The following PGA3 variants were observed in gnomAD, a reference collection of about 807,000 sequenced individuals.
The protein encoded by PGA3 is pepsin A-3.
In PGA3, 1 loss-of-function variant was observed where a neutral mutation model predicts 15.6. The observed-to-expected ratio is 0.06, with a 90% confidence interval of 0.02 to 0.30. The LOEUF (loss-of-function observed/expected upper bound fraction) is 0.30, where lower values mean the gene tolerates loss of function less well. Ranked by LOEUF, PGA3 falls within the 10% of genes least tolerant of loss-of-function variation. The pLI is 1.00. For missense variants in PGA3, 29 were observed against 183.7 expected (o/e 0.16, Z 4.87); for synonymous variants, 14 against 79.5 (o/e 0.18, Z 4.38).
At chr11:61,211,831 G>A (rs1197755534) in intron 8 of PGA3, among the ~76,000 whole-genome samples, 2 of 151,236 alleles carry the variant, frequency 1.3e-5, no homozygotes, top group Non-Finnish European at 3.0e-5. Context: ...AACCAAGTGA[G>A]ACTGATCACA....
chr11:61,205,205 A>AATT (rs1367524495), intron 2 of PGA3, among the ~76,000 whole-genome samples: 1 of 151,936 alleles, frequency 6.6e-6, no homozygotes, highest in East Asian at 1.9e-4. Context: ...TGTTGCCAGG[A>AATT]ATTAACACGA....
chr11:61,211,035 T>C, intron 6 of PGA3, 55 bp from the exon 7 acceptor site: 1 of 250,088 alleles, frequency 4.0e-6, no homozygotes, highest in Non-Finnish European at 7.5e-6. Flanking sequence ...TAGTTCCTCC[T>C]TGGAGAGAAG....
Position 61,212,538 on chromosome 11 carries a change from TCTC to T in PGA3, c.1018-12_1018-10del. The T allele has an allele frequency of 8.0e-6, 1 of 125,266 alleles. No homozygotes were observed. Among genetic ancestry groups the T allele is most frequent in the Non-Finnish European group, 1.5e-5 (1 of 66,540 alleles). The allele number at this position is 125,266 out of a possible 1,614,324, so 7.8% of individuals were successfully genotyped here. A position where few individuals can be genotyped will look rare whatever the true frequency, so the allele number is the denominator to read the frequency against. On this transcript the variant is annotated splice_polypyrimidine_tract_variant and intron_variant, in intron 8 of 8. Transcript: ENST00000325558. ...ATCGGTGTCCCAGCTCCACTTTTAT[TCTC>T]CTTTTCTCCAGAGCGAGGGGAGCTG...
At chr11:61,203,785 T>TA in intron 1 of PGA3, 165 bp downstream of exon 1, 1 of 1,171,348 alleles carries the variant, frequency 8.5e-7, no homozygotes, top group East Asian at 2.4e-5. Context: ...CAGACATGGT[T>TA]AAAACTCGGG....
At chr11:61,205,176 A>G (rs1270203263) in intron 2 of PGA3, among the ~76,000 whole-genome samples, 1 of 151,874 alleles carries the variant, frequency 6.6e-6, no homozygotes, top group African/African-American at 2.4e-5. Flanking sequence ...CAGAACCACT[A>G]ATATCTACCG....
chr11:61,205,215 A>G (rs1309590007), intron 2 of PGA3, among the ~76,000 whole-genome samples: 1 of 151,860 alleles, frequency 6.6e-6, no homozygotes, highest in Non-Finnish European at 1.5e-5. Flanking sequence ...AATTAACACG[A>G]TCATGTTTTC....
chr11:61,205,338 AT>A (rs1853912641), intron 2 of PGA3, among the ~76,000 whole-genome samples: 1 of 152,064 alleles, frequency 6.6e-6, no homozygotes, highest in South Asian at 2.1e-4. Context: ...GCCAGAGGCT[AT>A]GCAAGTTGCC....
At chr11:61,204,817 G>A in intron 2 of PGA3, 1 of 168,810 alleles carries the variant, frequency 5.9e-6, no homozygotes, top group Non-Finnish European at 1.3e-5. Flanking sequence ...GAAGGGTGCT[G>A]CAGACTGCGG....
intron 4 of PGA3, 129 bp downstream of exon 4, chr11:61,207,744 AG>A: frequency 2.6e-6 from 1 of 386,370 alleles, no homozygotes; most frequent in Non-Finnish European, 4.9e-6. Flanking sequence ...GAGAAGCAGC[AG>A]AGATGTCACA....
chr11:61,204,599 A>G, intron 2 of PGA3: 1 of 585,176 alleles, frequency 1.7e-6, no homozygotes, highest in Non-Finnish European at 3.0e-6. Flanking sequence ...CAAAGCAATG[A>G]AAGGAACAGG....
intron 2 of PGA3, among the ~76,000 whole-genome samples, chr11:61,205,494 G>A (rs1364211939): frequency 2.0e-5 from 3 of 152,028 alleles, no homozygotes; most frequent in African/African-American, 7.3e-5. Context: ...AGATTGAGAG[G>A]GGGCAAATTT....
intron 1 of PGA3, 96 bp downstream of exon 1, chr11:61,203,716 T>G: frequency 6.3e-7 from 1 of 1,599,030 alleles, no homozygotes; most frequent in Non-Finnish European, 8.5e-7. Flanking sequence ...CCCTCTCTAT[T>G]CAGCTGTCTC....
chr11:61,203,582 G>A lies in PGA3; in HGVS notation c.18G>A (p.Leu6=). The change falls in exon 1 of 9, where the codon CTG becomes CTA. Residue 6 remains leucine, a synonymous_variant. Transcript: ENST00000325558. MKWLL[L]LGLVALSECI... ...GAAGAACCATGAAGTGGCTGCTGCTGCTGGGTCTGGTGGCACTCTCTGAGT... is the reference window on the plus strand; with the variant it reads ...GAAGAACCATGAAGTGGCTGCTGCTACTGGGTCTGGTGGCACTCTCTGAGT... The A allele has an allele frequency of 1.9e-6, 3 of 1,611,286 alleles. No individual in the cohort carries two copies. The highest frequency in any genetic ancestry group is 2.5e-6 in the Non-Finnish European group (3 of 1,179,488).
rs1853900910 is a variant in PGA3, at chr11:61,204,524, C to T, written c.219+255C>T. The T allele has an allele frequency of 5.9e-6, 3 of 508,828 alleles. No individual in the cohort carries two copies. The Admixed American group carries it at 9.9e-5, about 17-fold the overall frequency. The allele number at this position is 508,828 out of a possible 1,614,324, so 31.5% of individuals were successfully genotyped here. A position where few individuals can be genotyped will look rare whatever the true frequency, so the allele number is the denominator to read the frequency against. On this transcript the variant is annotated intron_variant, in intron 2 of 8. Coordinates refer to ENST00000325558, the MANE Select transcript of PGA3 (RefSeq NM_001079807.4). Reference sequence around the variant, plus strand: ...TCTATTTCAGGGCCTGTGCTGGGCTCAGGGGGAGACAGCAGTGAGCAAACT... The same window carrying T: ...TCTATTTCAGGGCCTGTGCTGGGCTTAGGGGGAGACAGCAGTGAGCAAACT...
Position 61,207,541 on chromosome 11 carries a change from T to TCCACCAGC in PGA3, c.383_390dup (p.Glu131ProfsTer15). ...CCCTGAGGATTCTTCCACCTACCAGTCCACCAGCGAGACAGTCTCCATCAC... is the reference window on the plus strand; with the variant it reads ...CCCTGAGGATTCTTCCACCTACCAGTCCACCAGCCCACCAGCGAGACAGTCTCCATCAC... On this transcript the variant is annotated frameshift_variant, in exon 4 of 9. Coordinates refer to ENST00000325558, the MANE Select transcript of PGA3 (RefSeq NM_001079807.4). LOFTEE classifies it high-confidence loss of function. 1.1e-6 allele frequency: 1 copy of TCCACCAGC among 946,118 alleles called. No individual in the cohort carries two copies. Among genetic ancestry groups the TCCACCAGC allele is most frequent in the Non-Finnish European group, 1.7e-6 (1 of 596,472 alleles). The allele number at this position is 946,118 out of a possible 1,614,324, so 58.6% of individuals were successfully genotyped here. A position where few individuals can be genotyped will look rare whatever the true frequency, so the allele number is the denominator to read the frequency against.
chr11:61,206,622 C>G lies in PGA3; in HGVS notation c.332C>G (p.Ala111Gly). The G allele has an allele frequency of 2.0e-5, 1 of 49,388 alleles. No homozygotes were observed. The highest frequency in any genetic ancestry group is 4.1e-5 in the Non-Finnish European group (1 of 24,592). The allele number at this position is 49,388 out of a possible 1,614,324, so 3.1% of individuals were successfully genotyped here. ...WVPSVYCSSL[A>G]CTNHNRFNPE... ...CCCTCAGTCTACTGCTCCAGTCTTGCCTGCAGTAAGTGCCCAGACCGCCCT... is the reference window on the plus strand; with the variant it reads ...CCCTCAGTCTACTGCTCCAGTCTTGGCTGCAGTAAGTGCCCAGACCGCCCT... The change falls in exon 3 of 9, where the codon GCC (alanine) becomes GGC (glycine). Residue 111 changes from alanine (A) to glycine (G), a missense_variant. Physicochemically the swap from Ala to Gly is moderately conservative, Grantham distance 60 (BLOSUM62 0). Coordinates refer to ENST00000325558, the MANE Select transcript of PGA3 (RefSeq NM_001079807.4).
In PGA3 at chr11:61,203,778, A is replaced by G. The variant is rs560025632; in HGVS notation, c.56+158A>G. The G allele has an allele frequency of 4.0e-6, 5 of 1,238,682 alleles. No individual in the cohort carries two copies. In the African/African-American group the frequency reaches 7.6e-5, roughly 19 times the overall value. 76.7% of individuals were successfully genotyped at this position (1,238,682 alleles called of 1,614,324 possible). A position where few individuals can be genotyped will look rare whatever the true frequency, so the allele number is the denominator to read the frequency against. ...GCCTTTTTGGGAGGCAGCCCTGCAGACATGGTTAAAACTCGGGCCCAGCCT... is the reference window on the plus strand; with the variant it reads ...GCCTTTTTGGGAGGCAGCCCTGCAGGCATGGTTAAAACTCGGGCCCAGCCT... On this transcript the variant is annotated intron_variant, in intron 1 of 8. Transcript: ENST00000325558.
chr11:61,205,369 A>G (rs1853912829), intron 2 of PGA3, among the ~76,000 whole-genome samples: 3 of 152,158 alleles, frequency 2.0e-5, no homozygotes, highest in Admixed American at 6.5e-5. Context: ...GTGAATAATC[A>G]AAGTTCCTGG....
Position 61,204,610 on chromosome 11 carries a change from C to G in PGA3, c.219+341C>G, listed in dbSNP as rs1438283742. On this transcript the variant is annotated intron_variant, in intron 2 of 8. Transcript: ENST00000325558. ...CTCGCAAAGCAATGAAAGGAACAGG[C>G]AGCAGGAGGACTACAGAGTGACGGT... 19 of 546,418 alleles carry G rather than the reference C, an allele frequency of 3.5e-5. No homozygotes were observed. In the African/African-American group the frequency reaches 3.6e-4, roughly 10 times the overall value. The allele number at this position is 546,418 out of a possible 1,614,324, so 33.8% of individuals were successfully genotyped here. A position where few individuals can be genotyped will look rare whatever the true frequency, so the allele number is the denominator to read the frequency against.
Sources: allele counts gnomAD v4.1 joint callset (sites outside exome capture counted in the v4.1 genomes callset), GRCh38; gene constraint gnomAD v4.1.1; transcripts MANE v1.5; gene names NCBI Gene and HGNC (gene_info 2026-07-23, HGNC 2026-07-21).